TRPV6: variants seen among roughly 807,000 people sequenced by gnomAD.
TRPV6 encodes Alu-binding protein with zinc finger domain.
Under a neutral mutation model 79.0 loss-of-function variants are expected in TRPV6, and 39 were observed. The observed-to-expected ratio is 0.49, with a 90% confidence interval of 0.38 to 0.64. The LOEUF (loss-of-function observed/expected upper bound fraction) is 0.64, where lower values mean the gene tolerates loss of function less well. TRPV6 is among the 30% of genes least tolerant of loss of function. The pLI, the probability that TRPV6 is intolerant of heterozygous loss-of-function variation, is 0.00. For synonymous variants in TRPV6, 373 were observed against 391.9 expected (o/e 0.95, Z 0.57); for missense variants, 813 against 1,011.1 (o/e 0.80, Z 2.66).
Position 142,873,307 on chromosome 7 carries a change from T to G in TRPV6, c.1908+141A>C, listed in dbSNP as rs1794983435. On this transcript the variant is annotated intron_variant, in intron 13 of 14. Transcript: ENST00000359396. This position sits in a 1 kb window ranked among gnomAD's most constrained non-coding sequence, Gnocchi z 4.8. Reference sequence around the variant, plus strand: ...GTTGAATTGCTAATCAGTGCTTCTGTACATTTTGCATGATTTTGCTAGCTT... The same window carrying G: ...GTTGAATTGCTAATCAGTGCTTCTGGACATTTTGCATGATTTTGCTAGCTT... 1.7e-6 allele frequency: 2 copies of G among 1,171,562 alleles called. No individual in the cohort carries two copies. The highest frequency in any genetic ancestry group is 2.8e-5 in the South Asian group (2 of 71,080). 72.6% of individuals were successfully genotyped at this position (1,171,562 alleles called of 1,614,324 possible). A position where few individuals can be genotyped will look rare whatever the true frequency, so the allele number is the denominator to read the frequency against.
chr7:142,871,425 T>TGACATGCAGTGCTCC lies in TRPV6; in HGVS notation c.*267_*281dup, dbSNP rs1794921707. ...AGGCTGGCCTGTTTTTAAAGTGCTC[T>TGACATGCAGTGCTCC]GACATGCAGTGCTCCTGTCGGAAGG... On this transcript the variant is annotated 3_prime_UTR_variant, in exon 15 of 15. Transcript: ENST00000359396. 14 of 478,978 alleles carry TGACATGCAGTGCTCC rather than the reference T, an allele frequency of 2.9e-5. No homozygotes were observed. In the East Asian group the frequency reaches 5.2e-4, roughly 18 times the overall value. The allele number at this position is 478,978 out of a possible 1,614,324, so 29.7% of individuals were successfully genotyped here. A position where few individuals can be genotyped will look rare whatever the true frequency, so the allele number is the denominator to read the frequency against.
rs1439213386 is a variant in TRPV6 at position 142,871,784 on chromosome 7, C to G, written c.2221G>C (p.Gly741Arg). The G allele has an allele frequency of 6.2e-7, 1 of 1,614,104 alleles. No individual in the cohort carries two copies. Among genetic ancestry groups the G allele is most frequent in the Non-Finnish European group, 8.5e-7 (1 of 1,180,044 alleles). ...CCACGCAGGTCTCTCCTCAGGGTCCCTTGCCGAAGCCTTTCCCAATTGGCA... is the reference window on the plus strand; with the variant it reads ...CCACGCAGGTCTCTCCTCAGGGTCCGTTGCCGAAGCCTTTCCCAATTGGCA... The change falls in exon 15 of 15, where the codon GGG becomes CGG. Residue 741 changes from glycine to arginine, a missense_variant. Around this residue, in one of 3 missense-constraint regions of TRPV6, gnomAD observed 164 missense variants for 186.1 expected, o/e 0.88. Transcript: ENST00000359396.
chr7:142,882,920 C>A (rs1409217975), intron 1 of TRPV6: 1 of 152,120 alleles, frequency 6.6e-6, no homozygotes, highest in Non-Finnish European at 1.5e-5. Flanking sequence ...TCAGGTTAAG[C>A]AGCCTCTATG....
intron 1 of TRPV6, chr7:142,882,665 T>C (rs1795217512): frequency 6.6e-6 from 1 of 152,200 alleles, no homozygotes; most frequent in Non-Finnish European, 1.5e-5. Flanking sequence ...TCGGCTGCCA[T>C]CCTAAGTGCC....
At chr7:142,875,052 T>C in intron 9 of TRPV6, 26 bp downstream of exon 9, 1 of 1,614,100 alleles carries the variant, frequency 6.2e-7, no homozygotes, top group South Asian at 1.1e-5. Flanking sequence ...GCAGACAGCC[T>C]CACCCAGAGT....
chr7:142,883,719 T>C (rs1047719811), intron 1 of TRPV6: 1 of 152,198 alleles, frequency 6.6e-6, no homozygotes, highest in African/African-American at 2.4e-5. Flanking sequence ...ATTAGGAAAC[T>C]CCCCTTGCAG....
Position 142,871,219 on chromosome 7 carries a change from A to C in TRPV6, c.*488T>G. The C allele has an allele frequency of 1.3e-5, 7 of 534,328 alleles. No homozygotes were observed. Among genetic ancestry groups the C allele is most frequent in the East Asian group, 3.3e-5 (1 of 30,542 alleles). 33.1% of individuals were successfully genotyped at this position (534,328 alleles called of 1,614,324 possible). A position where few individuals can be genotyped will look rare whatever the true frequency, so the allele number is the denominator to read the frequency against. The stretch of plus-strand genomic sequence containing the variant: ...AAGGGCAGCTGGGCAGGGATCCGAA[A>C]ACGACTTTATTGAAGATGGAGTTGG... On this transcript the variant is annotated 3_prime_UTR_variant, in exon 15 of 15. Transcript: ENST00000359396.
Position 142,875,455 on chromosome 7 carries a change from A to T in TRPV6, c.1242+13T>A, listed in dbSNP as rs758531866. 1 of 1,556,678 alleles carries T rather than the reference A, an allele frequency of 6.4e-7. No individual in the cohort carries two copies. The highest frequency in any genetic ancestry group is 1.2e-5 in the South Asian group (1 of 83,192). On this transcript the variant is annotated intron_variant, in intron 8 of 14. Coordinates refer to ENST00000359396, the MANE Select transcript of TRPV6 (RefSeq NM_018646.6). ...AGTCCTGCCCTGCTGATCTGCTCCT[A>T]CAAGGGTGTCACCTGAAGTAGCTTC... is the stretch of plus-strand genomic sequence containing the variant.
chr7:142,871,878 C>T lies in TRPV6; in HGVS notation c.2127G>A (p.Leu709=). 1.9e-6 allele frequency: 3 copies of T among 1,614,160 alleles called. No homozygotes were observed. Among genetic ancestry groups the T allele is most frequent in the South Asian group, 2.2e-5 (2 of 91,082 alleles). The change falls in exon 15 of 15, where the codon CTG becomes CTA. Residue 709 remains leucine (L), a synonymous_variant. Coordinates refer to ENST00000359396, the MANE Select transcript of TRPV6 (RefSeq NM_018646.6). ...ACAGGTGGGGGCTGAAGGGACAGCC[C>T]AGCTCTAGTTTTTCCACTGAGTCTT...
Position 142,873,963 on chromosome 7 carries a change from G to A in TRPV6, c.1639+113C>T. 7.9e-7 allele frequency: 1 copy of A among 1,268,770 alleles called. No homozygotes were observed. The highest frequency in any genetic ancestry group is 1.3e-5 in the South Asian group (1 of 78,242). The allele number at this position is 1,268,770 out of a possible 1,614,324, so 78.6% of individuals were successfully genotyped here. On this transcript the variant is annotated intron_variant, in intron 12 of 14. Transcript: ENST00000359396. The surrounding 1 kb of genome is among the most constrained non-coding windows in gnomAD (Gnocchi z 4.8). ...GACGTCCCATCCTCTGATACCATAGGTCTCCTCTGATCTCTGCATTACTCC... is the reference window on the plus strand; with the variant it reads ...GACGTCCCATCCTCTGATACCATAGATCTCCTCTGATCTCTGCATTACTCC...
chr7:142,877,439 TCTCTTC>T (rs1795099720), intron 3 of TRPV6, 160 bp from the exon 4 acceptor site: 2 of 1,465,778 alleles, frequency 1.4e-6, no homozygotes, highest in Non-Finnish European at 1.8e-6. Context: ...CTGCTGCCCA[TCTCTTC>T]CTCTTCTCTA....
chr7:142,874,470 GA>G lies in TRPV6; in HGVS notation c.1572+20del, dbSNP rs1366670467. On this transcript the variant is annotated intron_variant, in intron 11 of 14. Coordinates refer to ENST00000359396, the MANE Select transcript of TRPV6 (RefSeq NM_018646.6). ...TGTGGCTCTGGGGCCTTTCTCTAGG[GA>G]GCTTGGGGGGAGGACTGACCTTCTG... 6.2e-7 allele frequency: 1 copy of G among 1,613,674 alleles called. No homozygotes were observed. The highest frequency in any genetic ancestry group is 8.5e-7 in the Non-Finnish European group (1 of 1,179,616).
intron 1 of TRPV6, chr7:142,878,295 A>G (rs1795121943): frequency 7.6e-6 from 4 of 528,386 alleles, no homozygotes; most frequent in Admixed American, 3.2e-5. Flanking sequence ...ACCAGAATGT[A>G]TCATGTGTGA....
At chr7:142,877,543 A>G in intron 3 of TRPV6, 108 bp downstream of exon 3, 1 of 1,520,646 alleles carries the variant, frequency 6.6e-7, no homozygotes. Context: ...AAAAAAGAGT[A>G]GGAGGCTCAG....
rs1237873276 is a variant in TRPV6 at position 142,871,668 on chromosome 7, A to C, written c.*39T>G. On this transcript the variant is annotated 3_prime_UTR_variant, in exon 15 of 15. Coordinates refer to ENST00000359396, the MANE Select transcript of TRPV6 (RefSeq NM_018646.6). ...TGTTTTGTTTGATGCACCCAGGAAAATGAGAGCAAGTTCCAGGAAGCGAAG... is the reference window on the plus strand; with the variant it reads ...TGTTTTGTTTGATGCACCCAGGAAACTGAGAGCAAGTTCCAGGAAGCGAAG... The C allele has an allele frequency of 6.5e-7, 1 of 1,545,406 alleles. No individual in the cohort carries two copies. Among genetic ancestry groups the C allele is most frequent in the African/African-American group, 1.4e-5 (1 of 72,746 alleles).
rs773785976 is a variant in TRPV6, at chr7:142,871,762, C to T, written c.2243G>A (p.Arg748His). Residue 748 changes from arginine to histidine, a missense_variant, in exon 15 of 15, where the codon CGT becomes CAT. Coordinates refer to ENST00000359396, the MANE Select transcript of TRPV6 (RefSeq NM_018646.6). ...CTCCAGACCCCTGTTGATTATCCCA[C>T]GCAGGTCTCTCCTCAGGGTCCCTTG... is the stretch of plus-strand genomic sequence containing the variant. The T allele has an allele frequency of 2.1e-5, 34 of 1,613,964 alleles. No individual in the cohort carries two copies. The highest frequency in any genetic ancestry group is 1.6e-4 in the Middle Eastern group (1 of 6,082).
chr7:142,877,460 C>A, intron 3 of TRPV6, 181 bp from the exon 4 acceptor site: 1 of 1,455,544 alleles, frequency 6.9e-7, no homozygotes, highest in Non-Finnish European at 9.2e-7. Flanking sequence ...TCTCTAGGCC[C>A]CTGGCATTTC....
intron 4 of TRPV6, 145 bp from the exon 5 acceptor site, chr7:142,876,982 G>C: frequency 1.4e-6 from 2 of 1,435,948 alleles, no homozygotes; most frequent in Middle Eastern, 1.8e-4. Flanking sequence ...AGGAAGGGTC[G>C]TGGGGTAAAT....
chr7:142,873,842 A>C lies in TRPV6; in HGVS notation c.1640-126T>G. 1 of 1,405,474 alleles carries C rather than the reference A, an allele frequency of 7.1e-7. No individual in the cohort carries two copies. The highest frequency in any genetic ancestry group is 1.4e-5 in the African/African-American group (1 of 69,950). The allele number at this position is 1,405,474 out of a possible 1,614,324, so 87.1% of individuals were successfully genotyped here. On this transcript the variant is annotated intron_variant, in intron 12 of 14. Transcript: ENST00000359396. This position sits in a 1 kb window ranked among gnomAD's most constrained non-coding sequence, Gnocchi z 4.8. ...TATCACCAGCTCTGCAGTGCTCCAA[A>C]CTTTGGGTTTTTACGGTCCCTAGTT...
Sources: gnomAD v4.1 joint callset for allele counts on GRCh38, gnomAD v4.1.1 for gene constraint, gnomAD v4.1.1 regional missense constraint, Gnocchi (gnomAD v3.1) non-coding constraint, MANE v1.5 for transcripts, NCBI Gene and HGNC (gene_info 2026-07-23, HGNC 2026-07-21) for gene names.